ZDHHC2: variants seen among roughly 807,000 people sequenced by gnomAD.
ZDHHC2 encodes zDHHC palmitoyltransferase 2.
A neutral mutation model predicts 55.6 loss-of-function variants in ZDHHC2; 51 were observed. The ratio of observed to expected loss-of-function variants is 0.92; its 90% CI spans 0.73 to 1.16. The LOEUF (loss-of-function observed/expected upper bound fraction) is 1.16, where lower values mean the gene tolerates loss of function less well. ZDHHC2 is among the 50% of genes most tolerant of loss of function. The pLI is 0.00. For synonymous variants in ZDHHC2, 199 were observed against 152.9 expected (o/e 1.30, Z -2.22); for missense variants, 491 against 442.4 (o/e 1.11, Z -0.99).
At chr8:17,189,295 TA>T (rs1377503671) in intron 3 of ZDHHC2, among the ~76,000 whole-genome samples, 10 of 152,064 alleles carry the variant, frequency 6.6e-5, no homozygotes, top group African/African-American at 2.2e-4. Flanking sequence ...GCAACCCCAC[TA>T]CCCTCGGCTT....
At chr8:17,163,697 A>T (rs1316327734) in intron 1 of ZDHHC2, among the ~76,000 whole-genome samples, 1 of 152,194 alleles carries the variant, frequency 6.6e-6, no homozygotes, top group Non-Finnish European at 1.5e-5. Context: ...AGCACTGCTT[A>T]TGATGAGTGT....
At chr8:17,174,705 C>CTTTTTTTTTTTTTTTTTTTTTTTTTTT (rs546670520) in intron 1 of ZDHHC2, among the ~76,000 whole-genome samples, 1 of 61,944 alleles carries the variant, frequency 1.6e-5, no homozygotes, top group Non-Finnish European at 3.0e-5. Flanking sequence ...TTGTGTTATT[C>CTTTTTTTTTTTTTTTTTTTTTTTTTTT]TTTTTTTTTT....
chr8:17,179,597 GAC>G (rs1438079766), intron 1 of ZDHHC2, among the ~76,000 whole-genome samples: 14 of 151,988 alleles, frequency 9.2e-5, no homozygotes, highest in Admixed American at 6.6e-4. Context: ...TATTTGTAGA[GAC>G]ACAGTCTCAA....
chr8:17,207,306 C>G (rs1807151744), intron 7 of ZDHHC2, among the ~76,000 whole-genome samples: 1 of 152,138 alleles, frequency 6.6e-6, no homozygotes, highest in Non-Finnish European at 1.5e-5. Flanking sequence ...GATTTATAAA[C>G]AATGAGAGAA....
At chr8:17,194,804 G>A (rs1806221919) in intron 3 of ZDHHC2, among the ~76,000 whole-genome samples, 1 of 151,974 alleles carries the variant, frequency 6.6e-6, no homozygotes, top group Non-Finnish European at 1.5e-5. Flanking sequence ...TTTGAGTTGT[G>A]TTCTTTTTTT....
chr8:17,177,838 A>G (rs1805225546), intron 1 of ZDHHC2, among the ~76,000 whole-genome samples: 1 of 151,990 alleles, frequency 6.6e-6, no homozygotes, highest in Admixed American at 6.6e-5. Context: ...TAGGCTGGAA[A>G]TTGCATAGTG....
At chr8:17,169,544 G>C (rs2705186) in intron 1 of ZDHHC2, among the ~76,000 whole-genome samples, 1,829 of 152,282 alleles carry the variant, frequency 0.012, 43 homozygotes, top group African/African-American at 0.042. Context: ...AACTGATAAA[G>C]AGGAGTGGGT....
intron 10 of ZDHHC2, among the ~76,000 whole-genome samples, chr8:17,214,796 G>T (rs997146955): frequency 6.6e-6 from 1 of 152,032 alleles, no homozygotes; most frequent in Non-Finnish European, 1.5e-5. Context: ...CCAGCTACTC[G>T]GGAGGCTGAA....
At position 17,202,152 on chromosome 8, in the gene ZDHHC2, C is replaced by T. The variant is rs117588099; in HGVS notation, c.477-3503C>T. Among the ~76,000 whole-genome samples the T allele has an allele frequency of 3.9e-3, 593 of 152,234 alleles. 5 individuals carry two copies. The highest frequency in any genetic ancestry group is 0.036 in the South Asian group (173 of 4,812). On this transcript the variant is annotated intron_variant, in intron 6 of 12. Coordinates refer to ENST00000262096, the MANE Select transcript of ZDHHC2 (RefSeq NM_016353.5). ...ATTTGAGCTTCAGTTTATTGAGTGCCGGTTATGTTCTAGAGGCCATACACA... is the reference window on the plus strand; with the variant it reads ...ATTTGAGCTTCAGTTTATTGAGTGCTGGTTATGTTCTAGAGGCCATACACA...
rs1807065305 is a variant in ZDHHC2, at chr8:17,205,724, C to T, written c.546C>T (p.Tyr182=). ...TTTTCTTGGCTTATTCTCTGCTCTA[C>T]TGCCTTTTTATTGCGGCAACAGATT... ...FLLFLAYSLL[Y]CLFIAATDLQ... Residue 182 remains tyrosine, a synonymous_variant, in exon 7 of 13, where the codon TAC becomes TAT. Transcript: ENST00000262096. 1 of 1,610,202 alleles carries T rather than the reference C, an allele frequency of 6.2e-7. No homozygotes were observed. The highest frequency in any genetic ancestry group is 8.5e-7 in the Non-Finnish European group (1 of 1,178,836).
At chr8:17,196,619 G>A (rs904968425) in intron 4 of ZDHHC2, among the ~76,000 whole-genome samples, 10 of 151,110 alleles carry the variant, frequency 6.6e-5, no homozygotes, top group South Asian at 4.2e-4. Flanking sequence ...TAAGATTTGC[G>A]ACTCTGTGTG....
intron 6 of ZDHHC2, among the ~76,000 whole-genome samples, chr8:17,199,764 T>C (rs1187869420): frequency 3.5e-5 from 5 of 143,130 alleles, no homozygotes; most frequent in Admixed American, 3.5e-4. Context: ...TTCTTCTTCT[T>C]TTTTTTTTTT....
rs1428458671 is a variant in ZDHHC2 at position 17,195,586 on chromosome 8, C to T, written c.335C>T (p.Ala112Val). ...EAHQEVLRRA[A>V]KDLPIYTRTM... ...CATCAGGAAGTTCTTAGGCGAGCAGCCAAGGATCTTCCCATCTATACCAGG... is the reference window on the plus strand; with the variant it reads ...CATCAGGAAGTTCTTAGGCGAGCAGTCAAGGATCTTCCCATCTATACCAGG... The change falls in exon 4 of 13, where the codon GCC (alanine) becomes GTC (valine). Residue 112 changes from alanine to valine, a missense_variant. Physicochemically the swap from Ala to Val is moderately conservative, Grantham distance 64 (BLOSUM62 0). Coordinates refer to ENST00000262096, the MANE Select transcript of ZDHHC2 (RefSeq NM_016353.5). 6.2e-7 allele frequency: 1 copy of T among 1,613,876 alleles called. No homozygotes were observed. Among genetic ancestry groups the T allele is most frequent in the Non-Finnish European group, 8.5e-7 (1 of 1,179,834 alleles).
At chr8:17,199,579 C>CTTCT (rs1806588640) in intron 6 of ZDHHC2, among the ~76,000 whole-genome samples, 2 of 39,128 alleles carry the variant, frequency 5.1e-5, no homozygotes, top group East Asian at 6.7e-4. Flanking sequence ...TCTTTGTCTT[C>CTTCT]TTCTTCTTCT....
chr8:17,164,720 T>G (rs1804519059), intron 1 of ZDHHC2, among the ~76,000 whole-genome samples: 1 of 151,892 alleles, frequency 6.6e-6, no homozygotes, highest in South Asian at 2.1e-4. Flanking sequence ...TAAAAATAAG[T>G]TCATATTGTT....
intron 3 of ZDHHC2, among the ~76,000 whole-genome samples, chr8:17,192,506 A>G (rs1205062707): frequency 2.0e-5 from 3 of 152,154 alleles, no homozygotes; most frequent in Non-Finnish European, 4.4e-5. Context: ...CGAGCTCCTT[A>G]TACATTCTGG....
At chr8:17,199,543 TTCTG>T (rs1563161286) in intron 6 of ZDHHC2, among the ~76,000 whole-genome samples, 10 of 37,666 alleles carry the variant, frequency 2.7e-4, no homozygotes, top group South Asian at 1.4e-3. Context: ...TGTCTTCGTC[TTCTG>T]TCTTCGTCTT....
intron 12 of ZDHHC2, among the ~76,000 whole-genome samples, chr8:17,218,844 A>C (rs994953509): frequency 2.0e-5 from 3 of 152,200 alleles, no homozygotes; most frequent in African/African-American, 7.2e-5. Flanking sequence ...GCTAATAGAA[A>C]CTAGACTTTT....
At chr8:17,169,638 A>C (rs991304303) in intron 1 of ZDHHC2, among the ~76,000 whole-genome samples, 3 of 152,202 alleles carry the variant, frequency 2.0e-5, no homozygotes, top group African/African-American at 7.2e-5. Context: ...TCTGATCCGC[A>C]GCACAGGGAC....
Sources: gnomAD v4.1 joint callset for allele counts (sites outside exome capture counted in the v4.1 genomes callset) on GRCh38, gnomAD v4.1.1 for gene constraint, MANE v1.5 for transcripts, NCBI Gene and HGNC (gene_info 2026-07-23, HGNC 2026-07-21) for gene names.